THSD4: variants seen among roughly 807,000 people sequenced by gnomAD.
THSD4 encodes thrombospondin type-1 domain-containing protein 4.
A neutral mutation model predicts 119.0 loss-of-function variants in THSD4; 69 were observed. That is an observed-to-expected ratio of 0.58 (90% CI 0.48 to 0.71). The LOEUF (loss-of-function observed/expected upper bound fraction) is 0.71, where lower values mean the gene tolerates loss of function less well. THSD4 is among the 30% of genes least tolerant of loss of function. The pLI is 0.00. For missense variants in THSD4, 1,393 were observed against 1,391.1 expected (o/e 1.00, Z -0.02); for synonymous variants, 524 against 540.4 (o/e 0.97, Z 0.42).
Position 71,727,225 on chromosome 15 carries a change from A to G in THSD4, c.1358-1324A>G, listed in dbSNP as rs142875638. Among the ~76,000 whole-genome samples the G allele has an allele frequency of 9.1e-3, 1,380 of 152,130 alleles. 27 individuals are homozygous for G. Among genetic ancestry groups the G allele is most frequent in the African/African-American group, 0.032 (1,317 of 41,464 alleles). On this transcript the variant is annotated intron_variant, in intron 8 of 17. Transcript: ENST00000261862. Reference sequence around the variant, plus strand: ...ATAACATCTGCTGTGCAATGTTGTGACGATTAAATTTGACAGTGCACGTGC... The same window carrying G: ...ATAACATCTGCTGTGCAATGTTGTGGCGATTAAATTTGACAGTGCACGTGC...
At chr15:71,315,399 G>A (rs188224573) in intron 6 of THSD4, among the ~76,000 whole-genome samples, 2 of 152,268 alleles carry the variant, frequency 1.3e-5, no homozygotes, top group African/African-American at 4.8e-5. Flanking sequence ...CTCTCTCTAG[G>A]CTGTGGGAAA....
At position 71,742,030 on chromosome 15, in the gene THSD4, C is replaced by T. The variant is rs750404376; in HGVS notation, c.1907-3076C>T. On this transcript the variant is annotated intron_variant, in intron 11 of 17. Transcript: ENST00000261862. ...ACAGATGCAGAGCACATCTAATGGT[C>T]GTCAGCAGTCATGGCAAGTGACCAG... Among the ~76,000 whole-genome samples the T allele has an allele frequency of 5.2e-4, 79 of 152,306 alleles. 1 individual carries two copies. The highest frequency in any genetic ancestry group is 3.4e-3 in the Middle Eastern group (1 of 294).
At chr15:71,218,026 C>T (rs771058310) in intron 4 of THSD4, among the ~76,000 whole-genome samples, 1 of 151,880 alleles carries the variant, frequency 6.6e-6, no homozygotes, top group Non-Finnish European at 1.5e-5. Flanking sequence ...CCCGCTTCGG[C>T]CTCCCAAAGT....
intron 3 of THSD4, among the ~76,000 whole-genome samples, chr15:71,208,825 C>T (rs1399164711): frequency 1.3e-5 from 2 of 152,096 alleles, no homozygotes; most frequent in African/African-American, 4.8e-5. Context: ...GATGTCGTTT[C>T]TGTTTCCTGC....
intron 7 of THSD4, among the ~76,000 whole-genome samples, chr15:71,579,118 C>T (rs568953220): frequency 1.3e-5 from 2 of 152,302 alleles, no homozygotes; most frequent in South Asian, 2.1e-4. Flanking sequence ...GCTGGGATTA[C>T]AGGCGTGAGT....
chr15:71,131,311 ATAAAAT>A (rs1396919081), intron 1 of THSD4, among the ~76,000 whole-genome samples: 1 of 152,006 alleles, frequency 6.6e-6, no homozygotes, highest in Non-Finnish European at 1.5e-5. Context: ...ATAATTATAA[ATAAAAT>A]TAGAAGATGA....
chr15:71,558,376 T>G (rs2049055016), intron 7 of THSD4, among the ~76,000 whole-genome samples: 1 of 152,250 alleles, frequency 6.6e-6, no homozygotes, highest in South Asian at 2.1e-4. Context: ...TTTTTAGCCT[T>G]TAATCTGTTC....
chr15:71,587,802 A>AG (rs2049709587), intron 7 of THSD4, among the ~76,000 whole-genome samples: 1 of 118,554 alleles, frequency 8.4e-6, no homozygotes, highest in African/African-American at 3.3e-5. Flanking sequence ...AAAAAAAAGA[A>AG]AAAAAAAAAA....
intron 7 of THSD4, among the ~76,000 whole-genome samples, chr15:71,532,283 A>AGAGAGAGAGAGAGAGAGAGAGTGTGTGT (rs1379506089): frequency 1.2e-4 from 12 of 101,646 alleles, no homozygotes; most frequent in African/African-American, 1.7e-4. Flanking sequence ...AGAGAGAGAG[A>AGAGAGAGAGAGAGAGAGAGAGTGTGTGT]GTGTGTGTGT....
At chr15:71,582,965 T>C (rs1278988859) in intron 7 of THSD4, among the ~76,000 whole-genome samples, 1 of 152,172 alleles carries the variant, frequency 6.6e-6, no homozygotes, top group Non-Finnish European at 1.5e-5. Flanking sequence ...AAATGCTCTC[T>C]CCCTTTCAGT....
intron 7 of THSD4, among the ~76,000 whole-genome samples, chr15:71,500,351 A>G (rs1370339660): frequency 6.6e-6 from 1 of 152,072 alleles, no homozygotes; most frequent in Non-Finnish European, 1.5e-5. Flanking sequence ...GAGTTGTAAG[A>G]GTGTTTCGTA....
In THSD4 at chr15:71,525,353, T is replaced by C. The variant is rs1354176620; in HGVS notation, c.1152+113530T>C. ...ATCCTAATGTTAAAACCGACACTCA[T>C]AACCACTGAACTGCAGATTTAATTA... On this transcript the variant is annotated intron_variant, in intron 7 of 17. Transcript: ENST00000261862. Among the ~76,000 whole-genome samples the C allele has an allele frequency of 5.9e-5, 9 of 152,246 alleles. No individual in the cohort carries two copies. The East Asian group carries it at 1.7e-3, about 29-fold the overall frequency.
intron 6 of THSD4, among the ~76,000 whole-genome samples, chr15:71,349,124 A>G (rs142184054): frequency 6.6e-6 from 1 of 152,306 alleles, no homozygotes; most frequent in Non-Finnish European, 1.5e-5. Context: ...CCCAGCTTCA[A>G]ATCCCATTTC....
intron 7 of THSD4, among the ~76,000 whole-genome samples, chr15:71,660,130 C>T (rs957701726): frequency 1.3e-5 from 2 of 152,154 alleles, no homozygotes; most frequent in South Asian, 2.1e-4. Context: ...TATAAGAAGA[C>T]ATGAGGGCAA....
At chr15:71,459,449 C>T (rs148472638) in intron 7 of THSD4, among the ~76,000 whole-genome samples, 133 of 151,604 alleles carry the variant, frequency 8.8e-4, no homozygotes, top group Non-Finnish European at 1.6e-3. Context: ...GAGCTGGTCA[C>T]CCAGCAAAAA....
intron 12 of THSD4, 22 bp downstream of exon 12, chr15:71,745,257 G>T: frequency 6.2e-7 from 1 of 1,613,030 alleles, no homozygotes; most frequent in East Asian, 2.2e-5. Context: ...CCTCCATTTA[G>T]GTCGCCTATT....
intron 7 of THSD4, among the ~76,000 whole-genome samples, chr15:71,650,093 G>T (rs2140978827): frequency 6.6e-6 from 1 of 152,228 alleles, no homozygotes; most frequent in African/African-American, 2.4e-5. Context: ...ATAGCCCATG[G>T]GCCAAATCTA....
intron 3 of THSD4, among the ~76,000 whole-genome samples, chr15:71,213,046 A>C (rs542621591): frequency 3.7e-4 from 57 of 152,258 alleles, no homozygotes; most frequent in Middle Eastern, 3.4e-3. Context: ...ATTACCACAA[A>C]CTGGATTGCT....
At chr15:71,374,864 G>T (rs1022641970) in intron 6 of THSD4, among the ~76,000 whole-genome samples, 1 of 152,196 alleles carries the variant, frequency 6.6e-6, no homozygotes, top group Non-Finnish European at 1.5e-5. Flanking sequence ...GGCTAGGACA[G>T]CAGACCATTA....
Sources: allele counts gnomAD v4.1 joint callset (sites outside exome capture counted in the v4.1 genomes callset), GRCh38; gene constraint gnomAD v4.1.1; transcripts MANE v1.5; gene names NCBI Gene and HGNC (gene_info 2026-07-23, HGNC 2026-07-21).